The following YKT6 variants were observed in gnomAD, a reference collection of about 807,000 sequenced individuals.
YKT6 encodes synaptobrevin homolog YKT6.
YKT6 carries 12 observed loss-of-function variants against 29.3 expected under a neutral mutation model. The observed-to-expected ratio is 0.41, with a 90% CI of 0.26 to 0.66. YKT6 has a LOEUF of 0.66. Among genes scored for constraint, YKT6 ranks in the 30% least tolerant of loss-of-function variants. The pLI, the probability that YKT6 is intolerant of heterozygous loss-of-function variation, is 0.32. For synonymous variants in YKT6, 86 were observed against 94.3 expected (o/e 0.91, Z 0.51); for missense variants, 188 against 243.8 (o/e 0.77, Z 1.52).
intron 5 of YKT6, chr7:44,210,617 G>C (rs1460978906): frequency 5.7e-6 from 2 of 347,950 alleles, no homozygotes; most frequent in Non-Finnish European, 1.1e-5. Flanking sequence ...CTCCAACCCA[G>C]TACAATCATA....
chr7:44,205,720 A>G (rs921469771), intron 2 of YKT6, among the ~76,000 whole-genome samples: 8 of 152,202 alleles, frequency 5.3e-5, no homozygotes, highest in African/African-American at 1.7e-4. Flanking sequence ...GAAATGAACA[A>G]TCCTGTGGAT....
chr7:44,201,280 G>A, intron 1 of YKT6, 41 bp downstream of exon 1: 1 of 1,570,728 alleles, frequency 6.4e-7, no homozygotes, highest in Non-Finnish European at 8.7e-7. Flanking sequence ...GTCGGGCGGA[G>A]AGGACTGGGG....
rs2096335183 is a variant in YKT6 at position 44,201,215 on chromosome 7, C to T, written c.80C>T (p.Ser27Phe). Reference sequence around the variant, plus strand: ...CTCAAAGCCGCATACGATGTGTCTTCCTTCAGCTTTTTCCAGAGATCCAGG... The same window carrying T: ...CTCAAAGCCGCATACGATGTGTCTTTCTTCAGCTTTTTCCAGAGATCCAGG... ...VLLKAAYDVS[S>F]FSFFQRSSVQ... The change falls in exon 1 of 7, where the codon TCC becomes TTC. Residue 27 changes from serine (S) to phenylalanine (F), a missense_variant. Ser to Phe is a radical substitution (Grantham distance 155). Around this residue, in one of 3 missense-constraint regions of YKT6, gnomAD observed 71 missense variants for 67.3 expected, o/e 1.05. Transcript: ENST00000223369. 1.2e-6 allele frequency: 2 copies of T among 1,612,938 alleles called. No homozygotes were observed. The highest frequency in any genetic ancestry group is 8.5e-7 in the Non-Finnish European group (1 of 1,179,428).
chr7:44,207,585 AC>A, intron 4 of YKT6, 93 bp downstream of exon 4: 1 of 1,046,514 alleles, frequency 9.6e-7, no homozygotes, highest in Non-Finnish European at 1.4e-6. Flanking sequence ...TGGTCTAATT[AC>A]TTCTGACAGC....
chr7:44,209,474 A>T (rs997708109), intron 5 of YKT6, among the ~76,000 whole-genome samples: 3 of 152,192 alleles, frequency 2.0e-5, no homozygotes, highest in Non-Finnish European at 4.4e-5. Context: ...CTCAAGTCCT[A>T]GTCTGAGTAC....
chr7:44,206,511 G>A, intron 3 of YKT6, 26 bp downstream of exon 3: 1 of 1,596,960 alleles, frequency 6.3e-7, no homozygotes, highest in Non-Finnish European at 8.6e-7. Context: ...GCCTCTCCTG[G>A]ACTTGGATGA....
intron 1 of YKT6, among the ~76,000 whole-genome samples, chr7:44,202,103 A>G (rs1004329102): frequency 4.6e-5 from 7 of 152,138 alleles, no homozygotes; most frequent in African/African-American, 1.2e-4. Flanking sequence ...GTCGGTATCT[A>G]TGGTCATCTT....
chr7:44,201,426 C>T (rs904183696), intron 1 of YKT6, among the ~76,000 whole-genome samples, 187 bp downstream of exon 1: 1 of 5,582 alleles, frequency 1.8e-4, no homozygotes, highest in Non-Finnish European at 3.4e-4. Context: ...AGAGGCGGGG[C>T]GGGGTGGGGA....
chr7:44,206,636 A>G (rs1321813904), intron 3 of YKT6, 151 bp downstream of exon 3: 7 of 763,036 alleles, frequency 9.2e-6, no homozygotes, highest in Admixed American at 2.1e-5. Context: ...CTGCAACCCA[A>G]GAGACAATTT....
In YKT6 at chr7:44,211,057, A is replaced by G. The variant is rs754045609; in HGVS notation, c.494A>G (p.Glu165Gly). 1 of 1,614,022 alleles carries G rather than the reference A, an allele frequency of 6.2e-7. No individual in the cohort carries two copies. The highest frequency in any genetic ancestry group is 1.1e-5 in the South Asian group (1 of 91,082). ...ATGGAGTCTCTGTTAGAGCGAGGTG[A>G]GAAGCTAGATGACTTGGTGTCCAAA... ...NTMESLLERGEKLDDLVSKSE... is the reference protein window; with the variant it reads ...NTMESLLERGGKLDDLVSKSE... The change falls in exon 6 of 7, where the codon GAG (glutamate) becomes GGG (glycine). Residue 165 changes from glutamate to glycine, a missense_variant. Around this residue, in one of 3 missense-constraint regions of YKT6, gnomAD observed 100 missense variants for 136.3 expected, o/e 0.73. Transcript: ENST00000223369.
chr7:44,214,047 G>C lies in YKT6; in HGVS notation c.*1765G>C, dbSNP rs1209537788. The C allele has an allele frequency of 6.6e-6, 1 of 152,600 alleles. No homozygotes were observed. Among genetic ancestry groups the C allele is most frequent in the Non-Finnish European group, 1.5e-5 (1 of 68,244 alleles). 9.5% of individuals were successfully genotyped at this position (152,600 alleles called of 1,614,324 possible). A position where few individuals can be genotyped will look rare whatever the true frequency, so the allele number is the denominator to read the frequency against. On this transcript the variant is annotated 3_prime_UTR_variant, in exon 7 of 7. Coordinates refer to ENST00000223369, the MANE Select transcript of YKT6 (RefSeq NM_006555.4). ...GAGAGATGGGGGCGGGGAAAATGGA[G>C]GTATGAATTTGGGGTAAGAGGAAGT...
chr7:44,207,319 G>A, intron 3 of YKT6, 69 bp from the exon 4 acceptor site: 2 of 1,406,346 alleles, frequency 1.4e-6, no homozygotes, highest in Non-Finnish European at 2.0e-6. Context: ...GCTCAGGGGT[G>A]AAGCCCTGTC....
intron 1 of YKT6, among the ~76,000 whole-genome samples, chr7:44,202,670 G>C (rs771359208): frequency 1.3e-5 from 2 of 152,194 alleles, no homozygotes; most frequent in Non-Finnish European, 2.9e-5. Context: ...TCATCTGTCA[G>C]TGGACACCTG....
Position 44,205,390 on chromosome 7 carries a change from C to A in YKT6, c.187+740C>A, listed in dbSNP as rs1298888155. On this transcript the variant is annotated intron_variant, in intron 2 of 6. Coordinates refer to ENST00000223369, the MANE Select transcript of YKT6 (RefSeq NM_006555.4). Reference sequence around the variant, plus strand: ...CCTCCACTGACCAGGTTCTCAGTTTCTTTGGAGGGTATGCACTTTGACCCC... The same window carrying A: ...CCTCCACTGACCAGGTTCTCAGTTTATTTGGAGGGTATGCACTTTGACCCC... 2.0e-5 allele frequency among the ~76,000 whole-genome samples: 3 copies of A among 152,212 alleles called. No individual in the cohort carries two copies. In the East Asian group the frequency reaches 5.8e-4, roughly 29 times the overall value.
intron 1 of YKT6, 52 bp from the exon 2 acceptor site, chr7:44,204,515 GT>G (rs2096338898): frequency 6.3e-7 from 1 of 1,586,976 alleles, no homozygotes; most frequent in South Asian, 1.1e-5. Flanking sequence ...TTTCCACTGT[GT>G]TGGGGACAAG....
intron 2 of YKT6, 78 bp from the exon 3 acceptor site, chr7:44,206,307 T>G: frequency 6.9e-7 from 1 of 1,446,578 alleles, no homozygotes; most frequent in Non-Finnish European, 9.7e-7. Context: ...TAACATTGGA[T>G]GCTTTGATTT....
chr7:44,210,866 T>G lies in YKT6; in HGVS notation c.460-157T>G, dbSNP rs1330172391. 7.1e-6 allele frequency: 5 copies of G among 706,116 alleles called. No homozygotes were observed. The East Asian group carries it at 1.4e-4, about 20-fold the overall frequency. The allele number at this position is 706,116 out of a possible 1,614,324, so 43.7% of individuals were successfully genotyped here. ...GGTTCTGTTCCATCCACTTGGACAG[T>G]AACTATTCTTGGACCGAGTCTCGAC... On this transcript the variant is annotated intron_variant, in intron 5 of 6. Coordinates refer to ENST00000223369, the MANE Select transcript of YKT6 (RefSeq NM_006555.4).
chr7:44,211,556 A>G, intron 6 of YKT6: 1 of 1,012,838 alleles, frequency 9.9e-7, no homozygotes, highest in African/African-American at 1.7e-5. Flanking sequence ...TTTGACAGAA[A>G]ATATTTAATT....
chr7:44,206,367 G>C lies in YKT6; in HGVS notation c.188-18G>C. The stretch of plus-strand genomic sequence containing the variant: ...CCCTCATGTCAGCATCCATGTGTCT[G>C]ATCTCTTGTCTCCTTAGACTATCTG... On this transcript the variant is annotated intron_variant, in intron 2 of 6. Transcript: ENST00000223369. 1 of 1,612,810 alleles carries C rather than the reference G, an allele frequency of 6.2e-7. No homozygotes were observed. The highest frequency in any genetic ancestry group is 8.5e-7 in the Non-Finnish European group (1 of 1,178,890).
Sources: allele counts gnomAD v4.1 joint callset (sites outside exome capture counted in the v4.1 genomes callset), GRCh38; gene constraint gnomAD v4.1.1; regional missense constraint gnomAD v4.1.1; transcripts MANE v1.5; gene names NCBI Gene and HGNC (gene_info 2026-07-23, HGNC 2026-07-21).